NOP14: variants seen among roughly 807,000 people sequenced by gnomAD.
NOP14 encodes NOP14 nucleolar protein, also known as nucleolar protein 14.
In NOP14, 57 loss-of-function variants were observed where a neutral mutation model predicts 101.6. That is an observed-to-expected ratio of 0.56 (90% CI 0.45 to 0.70). NOP14 has a LOEUF of 0.70. Ranked by LOEUF, NOP14 falls within the 30% of genes least tolerant of loss-of-function variation. The pLI, the probability that NOP14 is intolerant of heterozygous loss-of-function variation, is 0.00. For missense variants in NOP14, 1,134 were observed against 1,075.5 expected (o/e 1.05, Z -0.76); for synonymous variants, 428 against 424.0 (o/e 1.01, Z -0.12).
intron 15 of NOP14, among the ~76,000 whole-genome samples, chr4:2,940,112 T>A (rs1025575973): frequency 6.6e-6 from 1 of 152,230 alleles, no homozygotes; most frequent in Non-Finnish European, 1.5e-5. Flanking sequence ...AAACTGACGC[T>A]GGGTGCTAGG....
chr4:2,959,364 G>T (rs6830234), intron 1 of NOP14, among the ~76,000 whole-genome samples: 15 of 152,146 alleles, frequency 9.9e-5, no homozygotes, highest in Non-Finnish European at 2.1e-4. Context: ...AGGCCAAGGC[G>T]GGCGGATCAC....
In NOP14 at chr4:2,939,179, C is replaced by G. The variant is rs1416540543; in HGVS notation, c.2474+9G>C. On this transcript the variant is annotated intron_variant, in intron 17 of 17. Coordinates refer to ENST00000416614, the MANE Select transcript of NOP14 (RefSeq NM_001291978.2). ...CCACAATCGTGTCGCACACACACGTCCCCCTCACCGTTCCATGATTTCTGA... is the reference window on the plus strand; with the variant it reads ...CCACAATCGTGTCGCACACACACGTGCCCCTCACCGTTCCATGATTTCTGA... 6.2e-7 allele frequency: 1 copy of G among 1,613,822 alleles called. No individual in the cohort carries two copies. The highest frequency in any genetic ancestry group is 1.7e-5 in the Admixed American group (1 of 60,028).
chr4:2,963,250 G>A lies in NOP14; in HGVS notation c.70C>T (p.Pro24Ser). 1 of 1,590,830 alleles carries A rather than the reference G, an allele frequency of 6.3e-7. No homozygotes were observed. The highest frequency in any genetic ancestry group is 8.5e-7 in the Non-Finnish European group (1 of 1,171,146). The change falls in exon 1 of 18, where the codon CCG (proline) becomes TCG (serine). Residue 24 changes from proline (P) to serine (S), a missense_variant. Coordinates refer to ENST00000416614, the MANE Select transcript of NOP14 (RefSeq NM_001291978.2). ...SGAPAGARGG[P>S]AKANSNPFEV... The stretch of plus-strand genomic sequence containing the variant: ...AACGGATTGGAGTTGGCCTTCGCCG[G>A]GCCCCCTCGCGCTCCCGCCGGCGCC...
chr4:2,949,623 C>A (rs1435895523), intron 8 of NOP14, among the ~76,000 whole-genome samples: 1 of 152,198 alleles, frequency 6.6e-6, no homozygotes, highest in East Asian at 1.9e-4. Context: ...TGCTCACCCA[C>A]CTCCCCAGCC....
intron 1 of NOP14, among the ~76,000 whole-genome samples, chr4:2,958,305 AC>A (rs949503321): frequency 6.6e-6 from 1 of 152,206 alleles, no homozygotes; most frequent in African/African-American, 2.4e-5. Context: ...CCCAGCAGCA[AC>A]AAAAAAAGAC....
In NOP14 at chr4:2,938,082, A is replaced by C; in HGVS notation, c.*749T>G. On this transcript the variant is annotated 3_prime_UTR_variant, in exon 18 of 18. Transcript: ENST00000416614. ...AGACGCAGTGAACCAGTCGCAGCTG[A>C]TAACACACAGACCATTCCCGATCCC... The C allele has an allele frequency of 1.4e-6, 1 of 735,384 alleles. No homozygotes were observed. The highest frequency in any genetic ancestry group is 1.7e-5 in the South Asian group (1 of 58,730). 45.6% of individuals were successfully genotyped at this position (735,384 alleles called of 1,614,324 possible).
rs754635379 is a variant in NOP14 at position 2,954,410 on chromosome 4, A to G, written c.612+14T>C. On this transcript the variant is annotated intron_variant, in intron 4 of 17. Coordinates refer to ENST00000416614, the MANE Select transcript of NOP14 (RefSeq NM_001291978.2). ...TACCGTGGAGAAGATGATCAAGAACACTCACTAACCCACCTTCTCTTGTTT... is the reference window on the plus strand; with the variant it reads ...TACCGTGGAGAAGATGATCAAGAACGCTCACTAACCCACCTTCTCTTGTTT... The G allele has an allele frequency of 2.2e-5, 35 of 1,612,806 alleles. No homozygotes were observed. Among genetic ancestry groups the G allele is most frequent in the Non-Finnish European group, 2.7e-5 (32 of 1,179,370 alleles).
At chr4:2,946,647 G>T in intron 10 of NOP14, 100 bp from the exon 11 acceptor site, 1 of 1,059,898 alleles carries the variant, frequency 9.4e-7, no homozygotes, top group Non-Finnish European at 1.4e-6. Context: ...TGTTGACTGA[G>T]CAAGTAAGAA....
intron 1 of NOP14, among the ~76,000 whole-genome samples, chr4:2,960,954 ATTAATATTATAT>A (rs1715780182): frequency 2.1e-4 from 9 of 43,866 alleles, no homozygotes; most frequent in Admixed American, 3.2e-4. Context: ...ATATTATTAT[ATTAATATTATAT>A]CAATATTATA....
chr4:2,963,214 C>A lies in NOP14; in HGVS notation c.106G>T (p.Val36Phe). Residue 36 changes from valine to phenylalanine, a missense_variant, in exon 1 of 18, where the codon GTT (valine) becomes TTT (phenylalanine). Transcript: ENST00000416614. ...KANSNPFEVKVNRQKFQILGR... is the reference protein window; with the variant it reads ...KANSNPFEVKFNRQKFQILGR... ...AGGATCTGGAACTTCTGCCTGTTAA[C>A]TTTCACCTCGAACGGATTGGAGTTG... is the stretch of plus-strand genomic sequence containing the variant. The A allele has an allele frequency of 6.3e-7, 1 of 1,590,616 alleles. No homozygotes were observed. Among genetic ancestry groups the A allele is most frequent in the Non-Finnish European group, 8.5e-7 (1 of 1,170,624 alleles).
intron 2 of NOP14, 86 bp downstream of exon 2, chr4:2,957,520 C>T: frequency 6.6e-7 from 1 of 1,522,354 alleles, no homozygotes; most frequent in South Asian, 1.2e-5. Context: ...CAGGAACATG[C>T]AAAACATGCA....
chr4:2,943,480 G>C (rs1242952025), intron 13 of NOP14, among the ~76,000 whole-genome samples: 3 of 152,220 alleles, frequency 2.0e-5, no homozygotes, highest in Non-Finnish European at 1.5e-5. Flanking sequence ...AGCAGGGCTG[G>C]CATCAGGGGA....
intron 15 of NOP14, among the ~76,000 whole-genome samples, chr4:2,940,136 C>T (rs760559025): frequency 6.7e-6 from 1 of 148,996 alleles, no homozygotes; most frequent in Admixed American, 6.7e-5. Flanking sequence ...GGCAGGGTTT[C>T]CACCAGTCTT....
intron 3 of NOP14, among the ~76,000 whole-genome samples, chr4:2,955,724 CA>C (rs1285781749): frequency 1.3e-5 from 2 of 152,256 alleles, no homozygotes; most frequent in Admixed American, 6.5e-5. Flanking sequence ...AAGTCTTGAA[CA>C]ATGAAAAGAG....
Position 2,952,444 on chromosome 4 carries a change from C to A in NOP14, c.748-47G>T, listed in dbSNP as rs1715092697. On this transcript the variant is annotated intron_variant, in intron 5 of 17. Coordinates refer to ENST00000416614, the MANE Select transcript of NOP14 (RefSeq NM_001291978.2). ...CTTCATTTTAAAAATATATTTATTT[C>A]TTATTTTACAAAAAGAAAAGATCTA... The A allele has an allele frequency of 2.0e-6, 3 of 1,477,446 alleles. No homozygotes were observed. The African/African-American group carries it at 4.3e-5, about 21-fold the overall frequency. 91.5% of individuals were successfully genotyped at this position (1,477,446 alleles called of 1,614,324 possible). A position where few individuals can be genotyped will look rare whatever the true frequency, so the allele number is the denominator to read the frequency against.
intron 15 of NOP14, chr4:2,941,256 G>C: frequency 3.2e-6 from 1 of 308,860 alleles, no homozygotes; most frequent in Non-Finnish European, 6.2e-6. Flanking sequence ...CGGGACTGCA[G>C]AGCGCGGCTC....
At position 2,938,602 on chromosome 4, in the gene NOP14, C is replaced by T. The variant is rs1713862673; in HGVS notation, c.*229G>A. ...CGGCTCACTGTAACCTTGGACTCAG[C>T]TCAAGCAGTCCTCCTGCTTCAGCCT... On this transcript the variant is annotated 3_prime_UTR_variant, in exon 18 of 18. Transcript: ENST00000416614. 1.9e-6 allele frequency: 1 copy of T among 537,708 alleles called. No homozygotes were observed. The highest frequency in any genetic ancestry group is 1.9e-5 in the African/African-American group (1 of 52,550). The allele number at this position is 537,708 out of a possible 1,614,324, so 33.3% of individuals were successfully genotyped here.
intron 8 of NOP14, 24 bp from the exon 9 acceptor site, chr4:2,948,432 G>T (rs754441145): frequency 1.3e-6 from 2 of 1,578,440 alleles, no homozygotes; most frequent in Middle Eastern, 1.7e-4. Context: ...AAAACATACT[G>T]CACATTTAAC....
At position 2,938,165 on chromosome 4, in the gene NOP14, A is replaced by C. The variant is rs1713800752; in HGVS notation, c.*666T>G. The C allele has an allele frequency of 1.6e-6, 2 of 1,282,832 alleles. No individual in the cohort carries two copies. The highest frequency in any genetic ancestry group is 3.1e-5 in the African/African-American group (2 of 65,530). 79.5% of individuals were successfully genotyped at this position (1,282,832 alleles called of 1,614,324 possible). ...CAGGTGACGTTTTAACAGAAACAAA[A>C]CCGCAGGCAGCGGGTGGGGGGAGCT... On this transcript the variant is annotated 3_prime_UTR_variant, in exon 18 of 18. Coordinates refer to ENST00000416614, the MANE Select transcript of NOP14 (RefSeq NM_001291978.2).
Sources: gnomAD v4.1 joint callset for allele counts (sites outside exome capture counted in the v4.1 genomes callset) on GRCh38, gnomAD v4.1.1 for gene constraint, MANE v1.5 for transcripts, NCBI Gene and HGNC (gene_info 2026-07-23, HGNC 2026-07-21) for gene names.